The following KCNQ3 variants were observed in gnomAD, a reference collection of about 807,000 sequenced individuals.
KCNQ3 encodes the protein potassium voltage-gated channel subfamily KQT member 3.
A neutral mutation model predicts 92.5 loss-of-function variants in KCNQ3; 30 were observed. That is an observed-to-expected ratio of 0.32 (90% CI 0.24 to 0.44). KCNQ3 has a LOEUF of 0.44. Among genes scored for constraint, KCNQ3 ranks in the 20% least tolerant of loss-of-function variants. The pLI, the probability that KCNQ3 is intolerant of heterozygous loss-of-function variation, is 1.00. For synonymous variants in KCNQ3, 450 were observed against 468.8 expected, an observed-to-expected ratio of 0.96 and a Z score of 0.52; for missense variants, 913 against 1,140.3, an observed-to-expected ratio of 0.80 and a Z score of 2.87.
intron 1 of KCNQ3, among the ~76,000 whole-genome samples, chr8:132,198,579 C>T (rs559809463): frequency 5.9e-5 from 9 of 152,212 alleles, no homozygotes; most frequent in Admixed American, 3.9e-4. Flanking sequence ...GGAGCTGAGG[C>T]GGGTGGATCA....
intron 1 of KCNQ3, among the ~76,000 whole-genome samples, chr8:132,223,510 A>G (rs1814305181): frequency 6.6e-6 from 1 of 152,354 alleles, no homozygotes; most frequent in South Asian, 2.1e-4. Flanking sequence ...TGTATTAGTT[A>G]TAATTAAGAT....
At chr8:132,399,045 G>T (rs1356780182) in intron 1 of KCNQ3, among the ~76,000 whole-genome samples, 1 of 152,168 alleles carries the variant, frequency 6.6e-6, no homozygotes, top group African/African-American at 2.4e-5. Flanking sequence ...CATCGTAAAA[G>T]TCCACCAACA....
chr8:132,465,778 G>A (rs1309782449), intron 1 of KCNQ3, among the ~76,000 whole-genome samples: 1 of 151,882 alleles, frequency 6.6e-6, no homozygotes, highest in Non-Finnish European at 1.5e-5. Context: ...GGGCATAGTG[G>A]CACCTGCCTG....
intron 1 of KCNQ3, among the ~76,000 whole-genome samples, chr8:132,442,698 A>G (rs921061969): frequency 1.3e-5 from 2 of 152,136 alleles, no homozygotes; most frequent in East Asian, 1.9e-4. Flanking sequence ...CAACTGACCT[A>G]TGAGGTCAAG....
In KCNQ3 at chr8:132,465,411, T is replaced by C. The variant is rs375904742; in HGVS notation, c.386+14736A>G. ...GGGCAACATAGTGAGACCCCGCCTC[T>C]ACAAAAAACAATTTTAAAAAAATAG... is the stretch of plus-strand genomic sequence containing the variant. On this transcript the variant is annotated intron_variant, in intron 1 of 14. Coordinates refer to ENST00000388996, the MANE Select transcript of KCNQ3 (RefSeq NM_004519.4). 3.2e-4 allele frequency among the ~76,000 whole-genome samples: 46 copies of C among 142,300 alleles called. No homozygotes were observed. The East Asian group carries it at 4.1e-3, about 13-fold the overall frequency. The allele number at this position is 142,300 out of a possible 152,430, so 93.4% of individuals were successfully genotyped here.
chr8:132,195,915 A>G (rs1827286882), intron 1 of KCNQ3, among the ~76,000 whole-genome samples: 1 of 152,210 alleles, frequency 6.6e-6, no homozygotes, highest in South Asian at 2.1e-4. Context: ...TTGTTACAAG[A>G]CCCAAAAGAG....
chr8:132,163,388 G>A, intron 9 of KCNQ3, 80 bp downstream of exon 9: 1 of 1,188,446 alleles, frequency 8.4e-7, no homozygotes, highest in Non-Finnish European at 1.3e-6. Context: ...GACCTCCCAT[G>A]GGGCCCTACA....
At chr8:132,447,202 T>A (rs1376988432) in intron 1 of KCNQ3, 3 of 1,535,368 alleles carry the variant, frequency 2.0e-6, no homozygotes, top group Non-Finnish European at 2.6e-6. Context: ...AAGACTTACA[T>A]CGTGGCGTGT....
Position 132,388,369 on chromosome 8 carries a change from G to A in KCNQ3, c.386+91778C>T, listed in dbSNP as rs139766558. ...ACATTCTGAAGAATTAAACTAAAGAGTACGAGAAAACTTCAGAACAGACAG... is the reference window on the plus strand; with the variant it reads ...ACATTCTGAAGAATTAAACTAAAGAATACGAGAAAACTTCAGAACAGACAG... On this transcript the variant is annotated intron_variant, in intron 1 of 14. Coordinates refer to ENST00000388996, the MANE Select transcript of KCNQ3 (RefSeq NM_004519.4). Among the ~76,000 whole-genome samples the A allele has an allele frequency of 9.4e-4, 143 of 152,222 alleles. 1 individual carries two copies. Among genetic ancestry groups the A allele is most frequent in the African/African-American group, 3.3e-3 (137 of 41,540 alleles).
intron 1 of KCNQ3, among the ~76,000 whole-genome samples, chr8:132,449,032 G>T (rs1012376974): frequency 1.3e-5 from 2 of 152,094 alleles, no homozygotes; most frequent in Non-Finnish European, 2.9e-5. Context: ...GTTGCATCTG[G>T]CTGTGTGACC....
At chr8:132,476,345 G>C (rs926366832) in intron 1 of KCNQ3, among the ~76,000 whole-genome samples, 2 of 152,200 alleles carry the variant, frequency 1.3e-5, no homozygotes, top group African/African-American at 4.8e-5. Flanking sequence ...ACCCCAGAAT[G>C]GTAGATCCAC....
chr8:132,474,426 C>T (rs1822361945), intron 1 of KCNQ3, among the ~76,000 whole-genome samples: 9 of 152,098 alleles, frequency 5.9e-5, no homozygotes, highest in Admixed American at 5.9e-4. Context: ...GAATCTCTTT[C>T]AGCCATAAGG....
At chr8:132,480,019 G>A in intron 1 of KCNQ3, 128 bp downstream of exon 1, 1 of 852,972 alleles carries the variant, frequency 1.2e-6, no homozygotes, top group Non-Finnish European at 1.8e-6. Flanking sequence ...CTGAGGACGG[G>A]CTGGTCTCCC....
rs1457232478 is a variant in KCNQ3, at chr8:132,352,079, T to C, written c.386+128068A>G. ...TATGAATTAACTCAATTAATCCTAA[T>C]AAAAATCCCATGCATTGTGAGGGTG... On this transcript the variant is annotated intron_variant, in intron 1 of 14. Coordinates refer to ENST00000388996, the MANE Select transcript of KCNQ3 (RefSeq NM_004519.4). 2.6e-5 allele frequency among the ~76,000 whole-genome samples: 4 copies of C among 152,052 alleles called. No individual in the cohort carries two copies. The East Asian group carries it at 5.8e-4, about 22-fold the overall frequency.
At chr8:132,210,972 GTCA>G (rs1457419455) in intron 1 of KCNQ3, among the ~76,000 whole-genome samples, 2 of 152,206 alleles carry the variant, frequency 1.3e-5, no homozygotes, top group African/African-American at 2.4e-5. Context: ...CTGCACAGAA[GTCA>G]CTTTTGCATA....
intron 1 of KCNQ3, among the ~76,000 whole-genome samples, chr8:132,225,800 C>T (rs910281391): frequency 3.3e-5 from 5 of 152,202 alleles, no homozygotes; most frequent in African/African-American, 1.2e-4. Context: ...GACCTGCATG[C>T]AACCAGAAAT....
At chr8:132,439,112 G>A (rs191475761) in intron 1 of KCNQ3, among the ~76,000 whole-genome samples, 6 of 151,320 alleles carry the variant, frequency 4.0e-5, no homozygotes, top group South Asian at 2.1e-4. Flanking sequence ...GCTTTATGCC[G>A]AACCAATTTT....
chr8:132,423,474 G>A (rs1196765917), intron 1 of KCNQ3, among the ~76,000 whole-genome samples: 1 of 152,178 alleles, frequency 6.6e-6, no homozygotes, highest in African/African-American at 2.4e-5. Flanking sequence ...ATAGACTCAA[G>A]CCAGACTCCT....
At chr8:132,359,003 C>T (rs1289340398) in intron 1 of KCNQ3, among the ~76,000 whole-genome samples, 1 of 152,326 alleles carries the variant, frequency 6.6e-6, no homozygotes, top group East Asian at 1.9e-4. Flanking sequence ...GCCTCCAATA[C>T]TCTCACTAAA....
Sources: allele counts gnomAD v4.1 joint callset (sites outside exome capture counted in the v4.1 genomes callset), GRCh38; gene constraint gnomAD v4.1.1; transcripts MANE v1.5; gene names NCBI Gene and HGNC (gene_info 2026-07-23, HGNC 2026-07-21).